NCOA6: variants seen among roughly 807,000 people sequenced by gnomAD.
NCOA6 encodes the protein nuclear receptor coactivator 6.
A neutral mutation model predicts 171.4 loss-of-function variants in NCOA6; 49 were observed. The ratio of observed to expected loss-of-function variants is 0.29; its 90% CI spans 0.23 to 0.36. The LOEUF is 0.36. Ranked by LOEUF, NCOA6 falls within the 10% of genes least tolerant of loss-of-function variation. The probability of loss-of-function intolerance (pLI) is 1.00; values close to 1 mark genes in which losing one functional copy is unlikely to be tolerated. For missense variants in NCOA6, 2,248 were observed against 2,554.5 expected (o/e 0.88, Z 2.59); for synonymous variants, 910 against 927.5 (o/e 0.98, Z 0.34).
Position 34,766,929 on chromosome 20 carries a change from A to T in NCOA6, c.514+1535T>A, listed in dbSNP as rs375418905. On this transcript the variant is annotated intron_variant, in intron 5 of 14. Transcript: ENST00000359003. ...AACAGTGTCATCTATCATTTCTCAT[A>T]AAGCTACCTTAACACCAAATGCTCA... 7.2e-5 allele frequency among the ~76,000 whole-genome samples: 11 copies of T among 152,258 alleles called. No individual in the cohort carries two copies. The South Asian group carries it at 2.3e-3, about 32-fold the overall frequency.
rs553993211 is a variant in NCOA6, at chr20:34,746,920, T to C, written c.2801A>G (p.Asp934Gly). Residue 934 changes from aspartate (D) to glycine (G), a missense_variant, in exon 10 of 15, where the codon GAT (aspartate) becomes GGT (glycine). Transcript: ENST00000359003. ...CTCTTCCAGACCAGCTGGGCGAGTA[T>C]CTGGGGTGCTAAAAAAAAAAAAAAA... ...KNSQQDLNTP[D>G]TRPAGLEEAD... 1 of 1,476,958 alleles carries C rather than the reference T, an allele frequency of 6.8e-7. No homozygotes were observed. Among genetic ancestry groups the C allele is most frequent in the East Asian group, 2.3e-5 (1 of 42,606 alleles). 91.5% of individuals were successfully genotyped at this position (1,476,958 alleles called of 1,614,324 possible).
Position 34,741,920 on chromosome 20 carries a change from C to T in NCOA6, c.4336G>A (p.Ala1446Thr), listed in dbSNP as rs756464487. The change falls in exon 11 of 15, where the codon GCC becomes ACC. Residue 1446 changes from alanine to threonine, a missense_variant. Coordinates refer to ENST00000359003, the MANE Select transcript of NCOA6 (RefSeq NM_014071.5). The stretch of plus-strand genomic sequence containing the variant: ...GGGACAACCATTTTAACTTCTTGGG[C>T]AGGGACTGCTTTTAGTTCAATGTTT... ...QVNIELKAVP[A>T]QEVKMVVPED... 4 of 1,614,192 alleles carry T rather than the reference C, an allele frequency of 2.5e-6. No individual in the cohort carries two copies. The highest frequency in any genetic ancestry group is 1.6e-4 in the Middle Eastern group (1 of 6,062).
chr20:34,755,798 C>T (rs912975029), intron 7 of NCOA6, among the ~76,000 whole-genome samples: 5 of 152,090 alleles, frequency 3.3e-5, no homozygotes, highest in Admixed American at 3.3e-4. Flanking sequence ...TGTGGTGGAG[C>T]AATCTCAGCG....
Position 34,740,596 on chromosome 20 carries a change from A to G in NCOA6, c.5660T>C (p.Leu1887Pro), listed in dbSNP as rs749485447. 5 of 1,614,156 alleles carry G rather than the reference A, an allele frequency of 3.1e-6. No individual in the cohort carries two copies. The highest frequency in any genetic ancestry group is 4.2e-6 in the Non-Finnish European group (5 of 1,180,034). The stretch of plus-strand genomic sequence containing the variant: ...GCCCACAGGGCTAGAGGTCATTTTT[A>G]GCAGAGTGGGTGCTGGGGGCGTTGG... Reference protein sequence around the residue: ...KTPTPPAPTLLKMTSSPVGPG... With the variant: ...KTPTPPAPTLPKMTSSPVGPG... Residue 1887 changes from leucine (L) to proline (P), a missense_variant, in exon 11 of 15, where the codon CTA becomes CCA. Around this residue, in one of 7 missense-constraint regions of NCOA6, gnomAD observed 884 missense variants for 941.9 expected, o/e 0.94. Transcript: ENST00000359003.
rs2076126343 is a variant in NCOA6, at chr20:34,741,068, G to A, written c.5188C>T (p.Arg1730Ter). The A allele has an allele frequency of 6.2e-7, 1 of 1,614,208 alleles. No homozygotes were observed. The highest frequency in any genetic ancestry group is 8.5e-7 in the Non-Finnish European group (1 of 1,180,040). The change falls in exon 11 of 15, where the codon CGA becomes TGA. Residue 1730 changes from arginine (R) to a stop codon, truncating the protein, a stop_gained. Transcript: ENST00000359003. LOFTEE classifies it high-confidence loss of function. The stretch of plus-strand genomic sequence containing the variant: ...GCTCGTGAGCTAAGGACCAAAGGTC[G>A]ACCTGTCTGGATGTTTGGAGCAGGA... ...SSPAPNIQTG[R>*]PLVLSSRATP...
rs1247195711 is a variant in NCOA6, at chr20:34,741,308, T to G, written c.4948A>C (p.Asn1650His). The G allele has an allele frequency of 6.2e-7, 1 of 1,614,054 alleles. No homozygotes were observed. Among genetic ancestry groups the G allele is most frequent in the African/African-American group, 1.3e-5 (1 of 74,904 alleles). ...VSEGQSAAQS[N>H]ARPQFITPVF... is the part of the protein sequence containing the mutation. The stretch of plus-strand genomic sequence containing the variant: ...GGTGTAATGAACTGAGGCCGGGCAT[T>G]AGACTGAGCAGCTGACTGTCCCTCA... Residue 1650 changes from asparagine (N) to histidine (H), a missense_variant, in exon 11 of 15, where the codon AAT becomes CAT. By Grantham distance (68) the Asn-to-His change is moderately conservative. Coordinates refer to ENST00000359003, the MANE Select transcript of NCOA6 (RefSeq NM_014071.5).
At chr20:34,769,513 A>G (rs1244888076) in intron 4 of NCOA6, among the ~76,000 whole-genome samples, 1 of 151,524 alleles carries the variant, frequency 6.6e-6, no homozygotes, top group Non-Finnish European at 1.5e-5. Flanking sequence ...ACAGGCGCCC[A>G]CCACCACGCC....
At chr20:34,802,435 T>A (rs541735598) in intron 1 of NCOA6, among the ~76,000 whole-genome samples, 2 of 152,306 alleles carry the variant, frequency 1.3e-5, no homozygotes, top group East Asian at 3.9e-4. Flanking sequence ...AGCCCGTCTC[T>A]ACTAAAAATA....
chr20:34,760,939 G>A (rs1403821544), intron 5 of NCOA6, among the ~76,000 whole-genome samples: 1 of 151,506 alleles, frequency 6.6e-6, no homozygotes, highest in Non-Finnish European at 1.5e-5. Flanking sequence ...ACATCTTTTG[G>A]GCCAGGCACG....
intron 1 of NCOA6, among the ~76,000 whole-genome samples, chr20:34,816,667 T>G (rs1214033908): frequency 1.3e-5 from 2 of 152,016 alleles, no homozygotes; most frequent in African/African-American, 4.8e-5. Context: ...CCTAAAGTGT[T>G]GGGATTACAG....
At position 34,740,623 on chromosome 20, in the gene NCOA6, G is replaced by C. The variant is rs776472227; in HGVS notation, c.5633C>G (p.Thr1878Ser). 2.4e-5 allele frequency: 39 copies of C among 1,614,084 alleles called. No homozygotes were observed. The African/African-American group carries it at 4.9e-4, about 20-fold the overall frequency. Reference protein sequence around the residue: ...EQLSTELDSKTPTPPAPTLLK... With the variant: ...EQLSTELDSKSPTPPAPTLLK... Reference sequence around the variant, plus strand: ...CAGAGTGGGTGCTGGGGGCGTTGGGGTTTTACTGTCCAGCTCTGTGGATAA... The same window carrying C: ...CAGAGTGGGTGCTGGGGGCGTTGGGCTTTTACTGTCCAGCTCTGTGGATAA... The change falls in exon 11 of 15, where the codon ACC (threonine) becomes AGC (serine). Residue 1878 changes from threonine (T) to serine (S), a missense_variant. Coordinates refer to ENST00000359003, the MANE Select transcript of NCOA6 (RefSeq NM_014071.5).
chr20:34,793,664 A>C (rs1346584562), intron 1 of NCOA6, among the ~76,000 whole-genome samples: 2 of 152,122 alleles, frequency 1.3e-5, no homozygotes, highest in Admixed American at 1.3e-4. Flanking sequence ...AAGATTGATA[A>C]GTTCAAATGC....
At chr20:34,750,563 A>G in intron 8 of NCOA6, 44 bp from the exon 9 acceptor site, 3 of 1,515,686 alleles carry the variant, frequency 2.0e-6, no homozygotes, top group Non-Finnish European at 2.6e-6. Flanking sequence ...AAATATTTTT[A>G]TCTTATTGGT....
intron 3 of NCOA6, chr20:34,776,768 C>A (rs1027452518): frequency 1.9e-5 from 9 of 486,376 alleles, no homozygotes; most frequent in African/African-American, 3.9e-5. Flanking sequence ...CCTGGCACAC[C>A]ACAGGCAATG....
rs184827459 is a variant in NCOA6 at position 34,813,761 on chromosome 20, C to T, written c.-164+11711G>A. The stretch of plus-strand genomic sequence containing the variant: ...TGTACTATTATTCCTGGGGCTTTTT[C>T]TATGTTTTAAAGTTTTAATAAAACA... On this transcript the variant is annotated intron_variant, in intron 1 of 14. Coordinates refer to ENST00000359003, the MANE Select transcript of NCOA6 (RefSeq NM_014071.5). Among the ~76,000 whole-genome samples, 240 of 151,794 alleles carry T rather than the reference C, an allele frequency of 1.6e-3. 1 individual carries two copies. Among genetic ancestry groups the T allele is most frequent in the Non-Finnish European group, 2.9e-3 (197 of 67,954 alleles).
chr20:34,820,808 T>G (rs564129982), intron 1 of NCOA6: 10 of 149,040 alleles, frequency 6.7e-5, no homozygotes, highest in Non-Finnish European at 8.9e-5. Flanking sequence ...AGCAAGAAAC[T>G]GGGAAATGAC....
At chr20:34,720,660 T>C (rs954125381) in intron 14 of NCOA6, among the ~76,000 whole-genome samples, 2 of 152,206 alleles carry the variant, frequency 1.3e-5, no homozygotes, top group African/African-American at 4.8e-5. Flanking sequence ...TCTTATTAAA[T>C]GCAAAAAGAA....
rs2076161470 is a variant in NCOA6, at chr20:34,742,064, G to A, written c.4192C>T (p.Pro1398Ser). The A allele has an allele frequency of 3.1e-6, 5 of 1,614,056 alleles. No individual in the cohort carries two copies. The highest frequency in any genetic ancestry group is 1.7e-5 in the Admixed American group (1 of 60,000). The change falls in exon 11 of 15, where the codon CCT becomes TCT. Residue 1398 changes from proline (P) to serine (S), a missense_variant. Coordinates refer to ENST00000359003, the MANE Select transcript of NCOA6 (RefSeq NM_014071.5). Reference protein sequence around the residue: ...GSFPNNSGLNPQNSTVSVAAV... With the variant: ...GSFPNNSGLNSQNSTVSVAAV... ...GCCACAGACACAGTAGAATTCTGAG[G>A]ATTCAGCCCACTGTTGTTAGGAAAG...
intron 10 of NCOA6, among the ~76,000 whole-genome samples, chr20:34,744,424 C>A (rs1451428209): frequency 6.6e-6 from 1 of 152,106 alleles, no homozygotes; most frequent in Non-Finnish European, 1.5e-5. Flanking sequence ...ATATGGGATA[C>A]AATTCCAGTT....
Sources: gnomAD v4.1 joint callset for allele counts (sites outside exome capture counted in the v4.1 genomes callset) on GRCh38, gnomAD v4.1.1 for gene constraint, gnomAD v4.1.1 regional missense constraint, MANE v1.5 for transcripts, NCBI Gene and HGNC (gene_info 2026-07-23, HGNC 2026-07-21) for gene names.